Variants in ANKRD36B observed in about 807,000 individuals in gnomAD.
The protein encoded by ANKRD36B is ankyrin repeat domain 36B.
A neutral mutation model predicts 135.7 loss-of-function variants in ANKRD36B; 37 were observed. That is an observed-to-expected ratio of 0.27 (90% CI 0.21 to 0.36). The LOEUF is 0.36. Ranked by LOEUF, ANKRD36B falls within the 10% of genes least tolerant of loss-of-function variation. The pLI is 1.00. For synonymous variants in ANKRD36B, 179 were observed against 348.1 expected (o/e 0.51, Z 5.41); for missense variants, 549 against 1,037.1 (o/e 0.53, Z 6.46).
chr2:97,588,545 GT>G (rs2083185977), intron 1 of ANKRD36B, among the ~76,000 whole-genome samples: 1 of 152,080 alleles, frequency 6.6e-6, no homozygotes, highest in Non-Finnish European at 1.5e-5. Context: ...CATTTCAAAA[GT>G]TTTCTTAATG....
chr2:97,541,153 C>A lies in ANKRD36B; in HGVS notation c.1885+758G>T, dbSNP rs1369102560. Among the ~76,000 whole-genome samples the A allele has an allele frequency of 7.3e-5, 7 of 96,250 alleles. 3 individuals carry two copies. The highest frequency in any genetic ancestry group is 1.9e-4 in the Non-Finnish European group (7 of 36,030). 63.1% of individuals were successfully genotyped at this position (96,250 alleles called of 152,430 possible). On this transcript the variant is annotated intron_variant, in intron 28 of 43. Coordinates refer to ENST00000359901, the MANE Select transcript of ANKRD36B (RefSeq NM_001393939.1). ...AGCTATTTTACCCAAGAGTTAGCTC[C>A]TTGAACAACGAAGCCAATGTATTCA...
chr2:97,541,057 C>A (rs2079127170), intron 28 of ANKRD36B, among the ~76,000 whole-genome samples: 1 of 96,236 alleles, frequency 1.0e-5, no homozygotes. Flanking sequence ...ATTAGAATTC[C>A]ACATACTTTT....
At position 97,527,667 on chromosome 2, in the gene ANKRD36B, A is replaced by G. The variant is rs376507477; in HGVS notation, c.2266-4200T>C. On this transcript the variant is annotated intron_variant, in intron 35 of 43. Transcript: ENST00000359901. ...GCTGTATTCAGGAAACCCATCTCAC[A>G]TGCAGAGACACACATAGGTTCAAAA... Among the ~76,000 whole-genome samples, 4 of 95,878 alleles carry G rather than the reference A, an allele frequency of 4.2e-5. 1 individual carries two copies. In the South Asian group the frequency reaches 9.4e-4, roughly 23 times the overall value. 62.9% of individuals were successfully genotyped at this position (95,878 alleles called of 152,430 possible). A position where few individuals can be genotyped will look rare whatever the true frequency, so the allele number is the denominator to read the frequency against.
At chr2:97,578,874 G>A (rs2082395445) in intron 5 of ANKRD36B, 32 bp downstream of exon 5, 1 of 1,598,136 alleles carries the variant, frequency 6.3e-7, no homozygotes, top group East Asian at 2.2e-5. Context: ...CTTCAATTTA[G>A]TGTTCATTAG....
At chr2:97,567,613 A>G (rs1213672994) in intron 6 of ANKRD36B, among the ~76,000 whole-genome samples, 1 of 152,132 alleles carries the variant, frequency 6.6e-6, no homozygotes, top group Non-Finnish European at 1.5e-5. Context: ...TTGACTGCAG[A>G]TTCAGTTACC....
At chr2:97,566,826 A>T (rs2081473034) in intron 6 of ANKRD36B, among the ~76,000 whole-genome samples, 2 of 152,158 alleles carry the variant, frequency 1.3e-5, no homozygotes, top group Admixed American at 6.5e-5. Flanking sequence ...ATCAGCACAG[A>T]AGATTTCTGT....
At position 97,578,988 on chromosome 2, in the gene ANKRD36B, G is replaced by C; in HGVS notation, c.613C>G (p.Leu205Val). 6.2e-7 allele frequency: 1 copy of C among 1,612,700 alleles called. No homozygotes were observed. The highest frequency in any genetic ancestry group is 1.1e-5 in the South Asian group (1 of 90,980). The change falls in exon 5 of 44, where the codon CTG becomes GTG. Residue 205 changes from leucine to valine, a missense_variant. By Grantham distance (32) the Leu-to-Val change is conservative. Transcript: ENST00000359901. The part of the protein sequence containing the change: ...LGEKDIVILL[L>V]QHNIDVFSRD... ...GAAAACACATCAATATTGTGCTGCA[G>C]AAGAAGAATGACTATATCTTTTTCT...
chr2:97,579,759 C>T (rs1331397369), intron 4 of ANKRD36B, among the ~76,000 whole-genome samples: 1 of 146,494 alleles, frequency 6.8e-6, no homozygotes, highest in Non-Finnish European at 1.5e-5. Flanking sequence ...TATGCACATA[C>T]TTATATGCTC....
At chr2:97,589,279 A>C (rs2083246154) in intron 1 of ANKRD36B, among the ~76,000 whole-genome samples, 1 of 65,972 alleles carries the variant, frequency 1.5e-5, no homozygotes, top group Admixed American at 1.6e-4. Flanking sequence ...CAGCCCATTC[A>C]CGCCCCCACC....
intron 6 of ANKRD36B, among the ~76,000 whole-genome samples, chr2:97,570,571 G>A (rs1399480243): frequency 6.6e-6 from 1 of 152,078 alleles, no homozygotes; most frequent in African/African-American, 2.4e-5. Flanking sequence ...TAAGAACCTT[G>A]GATACTGTGT....
At chr2:97,551,404 A>G (rs2080050592) in intron 17 of ANKRD36B, 43 bp from the exon 18 acceptor site, 5 of 1,605,610 alleles carry the variant, frequency 3.1e-6, no homozygotes, top group Non-Finnish European at 4.2e-6. Flanking sequence ...GGTATGTTTC[A>G]TAGGCTATAC....
At chr2:97,516,212 A>AAC (rs1553513883) in intron 36 of ANKRD36B, among the ~76,000 whole-genome samples, 6 of 62,712 alleles carry the variant, frequency 9.6e-5, no homozygotes, top group African/African-American at 2.3e-4. Context: ...AAAAAAAAAA[A>AAC]AACATAGTTA....
chr2:97,553,194 A>G lies in ANKRD36B; in HGVS notation c.1247T>C (p.Ile416Thr). Residue 416 changes from isoleucine (I) to threonine (T), a missense_variant, in exon 16 of 44, where the codon ATA (isoleucine) becomes ACA (threonine). Coordinates refer to ENST00000359901, the MANE Select transcript of ANKRD36B (RefSeq NM_001393939.1). ...TGTCCCAGATTTTTCTCCATCCTTT[A>G]TTTCTGTGGCTATATTAGAAACAGA... is the stretch of plus-strand genomic sequence containing the variant. ...EGSVSNIATE[I>T]KDGEKSGTVS... The G allele has an allele frequency of 1.2e-5, 19 of 1,611,352 alleles. No homozygotes were observed. The highest frequency in any genetic ancestry group is 1.6e-5 in the Non-Finnish European group (19 of 1,178,722).
chr2:97,494,661 C>CA (rs2077285015), intron 43 of ANKRD36B, among the ~76,000 whole-genome samples: 1 of 101,062 alleles, frequency 9.9e-6, no homozygotes, highest in African/African-American at 2.7e-5. Context: ...TAACTTTGGA[C>CA]AATTTGATTA....
At chr2:97,493,789 C>A (rs2077271832) in intron 43 of ANKRD36B, among the ~76,000 whole-genome samples, 1 of 74,880 alleles carries the variant, frequency 1.3e-5, no homozygotes, top group Non-Finnish European at 4.1e-5. Flanking sequence ...ATAATATTTC[C>A]TCAGAGAAAT....
intron 14 of ANKRD36B, among the ~76,000 whole-genome samples, chr2:97,554,381 T>G (rs1448224768): frequency 6.6e-6 from 1 of 151,974 alleles, no homozygotes; most frequent in African/African-American, 2.4e-5. Context: ...ATATATATCT[T>G]ATGCCTAATA....
intron 3 of ANKRD36B, among the ~76,000 whole-genome samples, chr2:97,582,248 G>A (rs1326594959): frequency 6.6e-6 from 1 of 152,162 alleles, no homozygotes; most frequent in African/African-American, 2.4e-5. Flanking sequence ...TTTATGGTAT[G>A]TATAAATAGT....
chr2:97,527,618 T>C lies in ANKRD36B; in HGVS notation c.2266-4151A>G, dbSNP rs2104418652. Among the ~76,000 whole-genome samples the C allele has an allele frequency of 2.1e-5, 2 of 95,684 alleles. 1 individual carries two copies. The highest frequency in any genetic ancestry group is 4.6e-4 in the East Asian group (2 of 4,316). 62.8% of individuals were successfully genotyped at this position (95,684 alleles called of 152,430 possible). A position where few individuals can be genotyped will look rare whatever the true frequency, so the allele number is the denominator to read the frequency against. ...AAAAGACACAGACTGGCAAATTGGA[T>C]AAAGAGTCAAGACCCATCAGTGTGC... On this transcript the variant is annotated intron_variant, in intron 35 of 43. Coordinates refer to ENST00000359901, the MANE Select transcript of ANKRD36B (RefSeq NM_001393939.1).
Position 97,585,031 on chromosome 2 carries a change from A to T in ANKRD36B, c.363T>A (p.Thr121=). ...CATTATACACAGCGTAGTGCAGAGC[A>T]GTCCTTCCAAAGACATCCGTAATAT... ...DPNITDVFGR[T]ALHYAVYNED... Residue 121 remains threonine (T), a synonymous_variant, in exon 3 of 44, where the codon ACT becomes ACA. Coordinates refer to ENST00000359901, the MANE Select transcript of ANKRD36B (RefSeq NM_001393939.1). 6.2e-7 allele frequency: 1 copy of T among 1,611,524 alleles called. No individual in the cohort carries two copies. The highest frequency in any genetic ancestry group is 1.3e-5 in the African/African-American group (1 of 74,464).
Sources: allele counts gnomAD v4.1 joint callset (sites outside exome capture counted in the v4.1 genomes callset), GRCh38; gene constraint gnomAD v4.1.1; transcripts MANE v1.5; gene names NCBI Gene and HGNC (gene_info 2026-07-23, HGNC 2026-07-21).